The following NRG2 variants were observed in gnomAD, a reference collection of about 807,000 sequenced individuals.
The protein encoded by NRG2 is pro-neuregulin-2, membrane-bound isoform.
A neutral mutation model predicts 73.9 loss-of-function variants in NRG2; 27 were observed. The observed-to-expected ratio is 0.37, with a 90% CI of 0.27 to 0.50. The LOEUF (loss-of-function observed/expected upper bound fraction) is 0.50. Ranked by LOEUF, NRG2 falls within the 20% of genes least tolerant of loss-of-function variation. The pLI is 0.96. For missense variants in NRG2, 1,126 were observed against 1,210.1 expected, an observed-to-expected ratio of 0.93 and a Z score of 1.03; for synonymous variants, 532 against 541.0, an observed-to-expected ratio of 0.98 and a Z score of 0.23.
At chr5:139,980,688 A>G (rs1756730550) in intron 1 of NRG2, among the ~76,000 whole-genome samples, 1 of 152,226 alleles carries the variant, frequency 6.6e-6, no homozygotes, top group South Asian at 2.1e-4. Flanking sequence ...TTCAGACAGA[A>G]TGGGCTCCAC....
At chr5:140,036,667 G>A (rs1286777493) in intron 1 of NRG2, among the ~76,000 whole-genome samples, 1 of 152,086 alleles carries the variant, frequency 6.6e-6, no homozygotes, top group Non-Finnish European at 1.5e-5. Context: ...GGAGGAGAGG[G>A]TTAATTTGCT....
At chr5:140,018,764 A>G (rs1561756494) in intron 1 of NRG2, among the ~76,000 whole-genome samples, 1 of 152,140 alleles carries the variant, frequency 6.6e-6, no homozygotes, top group East Asian at 1.9e-4. Flanking sequence ...ATCCAGACCA[A>G]CACCACCATC....
chr5:139,975,618 G>A (rs1474712571), intron 1 of NRG2, among the ~76,000 whole-genome samples: 1 of 152,222 alleles, frequency 6.6e-6, no homozygotes, highest in Non-Finnish European at 1.5e-5. Context: ...AGAGCCCTAG[G>A]GCCATCTGGG....
chr5:139,851,575 G>A lies in NRG2; in HGVS notation c.1772+29C>T, dbSNP rs764499207. ...AGTGGTGCCAGCCCTCTGGCTAAGC[G>A]GGGAATAGGTCAGGGGGTAGGAACT... On this transcript the variant is annotated intron_variant, in intron 9 of 9. Coordinates refer to ENST00000361474, the MANE Select transcript of NRG2 (RefSeq NM_004883.3). The surrounding 1 kb of genome is among the most constrained non-coding windows in gnomAD (Gnocchi z 4.2). The A allele has an allele frequency of 1.3e-4, 214 of 1,605,762 alleles. No individual in the cohort carries two copies. Among genetic ancestry groups the A allele is most frequent in the Non-Finnish European group, 1.5e-4 (176 of 1,173,522 alleles).
intron 1 of NRG2, among the ~76,000 whole-genome samples, chr5:139,919,914 G>C (rs554848300): frequency 6.6e-6 from 1 of 152,302 alleles, no homozygotes; most frequent in East Asian, 1.9e-4. Context: ...GACTGTGGAG[G>C]GCAGTAAGAG....
chr5:139,900,298 T>C (rs1450107648), intron 1 of NRG2, among the ~76,000 whole-genome samples: 2 of 152,246 alleles, frequency 1.3e-5, no homozygotes, highest in African/African-American at 4.8e-5. Flanking sequence ...GCCTGTTGTT[T>C]ATTCACATAA....
chr5:139,994,116 G>A (rs575711613), intron 1 of NRG2, among the ~76,000 whole-genome samples: 1 of 152,298 alleles, frequency 6.6e-6, no homozygotes, highest in East Asian at 1.9e-4. Context: ...ATTTACATTA[G>A]CATGTGTAAT....
intron 1 of NRG2, among the ~76,000 whole-genome samples, chr5:139,905,354 G>T (rs1765162255): frequency 6.6e-6 from 1 of 152,220 alleles, no homozygotes; most frequent in Non-Finnish European, 1.5e-5. Flanking sequence ...GCCTGAGCCT[G>T]CGGTTTGCCT....
chr5:139,951,088 G>C (rs34790912), intron 1 of NRG2, among the ~76,000 whole-genome samples: 2,065 of 152,322 alleles, frequency 0.014, 18 homozygotes, highest in Middle Eastern at 0.02. Flanking sequence ...CCTAGGCCTA[G>C]ATGACCCCAA....
At chr5:140,037,886 C>T (rs1290016744) in intron 1 of NRG2, among the ~76,000 whole-genome samples, 6 of 125,322 alleles carry the variant, frequency 4.8e-5, no homozygotes, top group Non-Finnish European at 6.3e-5. Flanking sequence ...CTAGCCTGGG[C>T]GACAGAGCAA....
Position 139,887,297 on chromosome 5 carries a change from G to A in NRG2, c.872+43C>T, listed in dbSNP as rs894632001. 4 of 1,605,640 alleles carry A rather than the reference G, an allele frequency of 2.5e-6. No individual in the cohort carries two copies. The African/African-American group carries it at 5.3e-5, about 21-fold the overall frequency. On this transcript the variant is annotated intron_variant, in intron 2 of 9. Transcript: ENST00000361474. The surrounding 1 kb of genome is among the most constrained non-coding windows in gnomAD (Gnocchi z 4.5). Reference sequence around the variant, plus strand: ...CAGGCCACTCCTTCTCGAGAGGAGGGAGGGCAGCTGCTTGGATGGAGGACA... The same window carrying A: ...CAGGCCACTCCTTCTCGAGAGGAGGAAGGGCAGCTGCTTGGATGGAGGACA...
chr5:139,977,791 G>A (rs567871867), intron 1 of NRG2, among the ~76,000 whole-genome samples: 22 of 152,194 alleles, frequency 1.4e-4, no homozygotes, highest in South Asian at 6.2e-4. Flanking sequence ...ATAATGCCGC[G>A]TATCTACAAC....
intron 3 of NRG2, among the ~76,000 whole-genome samples, chr5:139,872,396 G>A: frequency 6.6e-6 from 1 of 152,112 alleles, no homozygotes; most frequent in East Asian, 1.9e-4. Context: ...GTTGGGGGTA[G>A]GAGGAACCCT....
At chr5:140,042,297 T>A in intron 1 of NRG2, 73 bp downstream of exon 1, 51 of 402,556 alleles carry the variant, frequency 1.3e-4, no homozygotes, top group East Asian at 6.0e-4. Flanking sequence ...CTGCAGCACC[T>A]CCCCGCCCCA....
In NRG2 at chr5:139,871,854, G is replaced by A. The variant is rs769410801; in HGVS notation, c.992-13C>T. 11 of 1,613,294 alleles carry A rather than the reference G, an allele frequency of 6.8e-6. No individual in the cohort carries two copies. The highest frequency in any genetic ancestry group is 8.5e-6 in the Non-Finnish European group (10 of 1,179,574). Reference sequence around the variant, plus strand: ...AGGGTGGTGCTCACTGAGGGTATGAGAGACATGTGCCAGTGACGCACTGAG... The same window carrying A: ...AGGGTGGTGCTCACTGAGGGTATGAAAGACATGTGCCAGTGACGCACTGAG... On this transcript the variant is annotated splice_polypyrimidine_tract_variant and intron_variant, in intron 3 of 9. Coordinates refer to ENST00000361474, the MANE Select transcript of NRG2 (RefSeq NM_004883.3).
intron 1 of NRG2, among the ~76,000 whole-genome samples, chr5:139,955,110 C>G (rs951451195): frequency 6.6e-6 from 1 of 152,146 alleles, no homozygotes; most frequent in African/African-American, 2.4e-5. Flanking sequence ...GAGGGTTATC[C>G]CCGGCCCTTG....
At chr5:140,018,054 C>T (rs1001963774) in intron 1 of NRG2, among the ~76,000 whole-genome samples, 3 of 151,940 alleles carry the variant, frequency 2.0e-5, no homozygotes, top group Admixed American at 6.5e-5. Context: ...AAAGTTAGCT[C>T]TTCCAATTTT....
Position 139,855,661 on chromosome 5 carries a change from GTGAC to G in NRG2, c.1292+11_1292+14del. 2 of 1,609,246 alleles carry G rather than the reference GTGAC, an allele frequency of 1.2e-6. No individual in the cohort carries two copies. The highest frequency in any genetic ancestry group is 1.7e-6 in the Non-Finnish European group (2 of 1,175,744). ...TTGGCTTGGCCTGTCCCCAGCTTGA[GTGAC>G]TGACACTCACTTGGTCTTGCAGTAG... On this transcript the variant is annotated intron_variant, in intron 6 of 9. Transcript: ENST00000361474.
At chr5:139,867,000 A>C (rs1294783756) in intron 4 of NRG2, among the ~76,000 whole-genome samples, 2 of 152,186 alleles carry the variant, frequency 1.3e-5, no homozygotes, top group African/African-American at 4.8e-5. Flanking sequence ...TCCTTAGGAA[A>C]TTAGCTAAGT....
Sources: gnomAD v4.1 joint callset for allele counts (sites outside exome capture counted in the v4.1 genomes callset) on GRCh38, gnomAD v4.1.1 for gene constraint, Gnocchi (gnomAD v3.1) non-coding constraint, MANE v1.5 for transcripts, NCBI Gene and HGNC (gene_info 2026-07-23, HGNC 2026-07-21) for gene names.